SPRING1: variants seen among roughly 807,000 people sequenced by gnomAD.
SPRING1 encodes SREBF pathway regulator in golgi 1.
SPRING1 carries 14 observed loss-of-function variants against 24.7 expected under a neutral mutation model. The observed-to-expected ratio is 0.57, with a 90% CI of 0.37 to 0.88. SPRING1 has a LOEUF of 0.88. Among genes scored for constraint, SPRING1 ranks in the 40% least tolerant of loss-of-function variants. SPRING1 has a pLI of 0.00. For missense variants in SPRING1, 255 were observed against 268.4 expected (o/e 0.95, Z 0.35); for synonymous variants, 93 against 106.1 (o/e 0.88, Z 0.76).
rs1869824516 is a variant in SPRING1, at chr12:116,710,494, T to C, written c.*7316A>G. On this transcript the variant is annotated 3_prime_UTR_variant, in exon 5 of 5. Transcript: ENST00000261318. The stretch of plus-strand genomic sequence containing the variant: ...CACACCTAAATAATTGAGCACTGCA[T>C]TAAGGCTCAGAAACGTAGTACCGTT... 6.6e-6 allele frequency: 1 copy of C among 152,240 alleles called. No individual in the cohort carries two copies. The highest frequency in any genetic ancestry group is 2.4e-5 in the African/African-American group (1 of 41,470). The allele number at this position is 152,240 out of a possible 1,614,324, so 9.4% of individuals were successfully genotyped here.
In SPRING1 at chr12:116,737,777, G is replaced by C; in HGVS notation, c.111+13C>G. ...AAGAAGGGAAGGGGAGGAGGGGAAGGGCGGCCACTGACCTGCTTGAAGGTG... is the reference window on the plus strand; with the variant it reads ...AAGAAGGGAAGGGGAGGAGGGGAAGCGCGGCCACTGACCTGCTTGAAGGTG... On this transcript the variant is annotated intron_variant, in intron 1 of 4. Transcript: ENST00000261318. The C allele has an allele frequency of 6.6e-7, 1 of 1,515,152 alleles. No individual in the cohort carries two copies. Among genetic ancestry groups the C allele is most frequent in the Non-Finnish European group, 8.9e-7 (1 of 1,117,628 alleles). The allele number at this position is 1,515,152 out of a possible 1,614,324, so 93.9% of individuals were successfully genotyped here.
At chr12:116,733,849 G>A (rs188990061) in intron 1 of SPRING1, among the ~76,000 whole-genome samples, 2 of 152,202 alleles carry the variant, frequency 1.3e-5, no homozygotes, top group East Asian at 1.9e-4. Flanking sequence ...CTCCACTCAC[G>A]GTAAGTGTTC....
chr12:116,736,626 T>C (rs1328392656), intron 1 of SPRING1, among the ~76,000 whole-genome samples: 1 of 152,308 alleles, frequency 6.6e-6, no homozygotes, highest in East Asian at 1.9e-4. Context: ...GAGCTTTTTA[T>C]AACCATGTCA....
At chr12:116,727,091 TTTCCTG>T (rs1157241520) in intron 1 of SPRING1, among the ~76,000 whole-genome samples, 1 of 152,256 alleles carries the variant, frequency 6.6e-6, no homozygotes, top group Non-Finnish European at 1.5e-5. Context: ...GCTTTCTACC[TTTCCTG>T]AACTGTTTCA....
At position 116,710,422 on chromosome 12, in the gene SPRING1, C is replaced by T. The variant is rs1869822728; in HGVS notation, c.*7388G>A. The T allele has an allele frequency of 6.6e-6, 1 of 152,210 alleles. No homozygotes were observed. The highest frequency in any genetic ancestry group is 6.5e-5 in the Admixed American group (1 of 15,274). The allele number at this position is 152,210 out of a possible 1,614,324, so 9.4% of individuals were successfully genotyped here. ...CTGAGCTGAGCAATGCCTGTAGAAGCCCTGCTTAGTAGGAGTTCCAAGATG... is the reference window on the plus strand; with the variant it reads ...CTGAGCTGAGCAATGCCTGTAGAAGTCCTGCTTAGTAGGAGTTCCAAGATG... On this transcript the variant is annotated 3_prime_UTR_variant, in exon 5 of 5. Transcript: ENST00000261318.
chr12:116,729,438 C>T (rs76778521), intron 1 of SPRING1, among the ~76,000 whole-genome samples: 18,026 of 152,252 alleles, frequency 0.12, 1,389 homozygotes, highest in African/African-American at 0.22. Context: ...AAGTTTAACA[C>T]AGATTTACCA....
intron 1 of SPRING1, 112 bp downstream of exon 1, chr12:116,737,678 C>G: frequency 8.2e-7 from 1 of 1,216,856 alleles, no homozygotes; most frequent in South Asian, 1.9e-5. Context: ...GGTAGGAAGA[C>G]AGGGAGGAAG....
rs756002577 is a variant in SPRING1, at chr12:116,720,279, G to C, written c.420+17C>G. The C allele has an allele frequency of 1.9e-6, 3 of 1,587,868 alleles. No homozygotes were observed. The highest frequency in any genetic ancestry group is 2.7e-5 in the African/African-American group (2 of 73,256). ...AAAGAAAAAAGGAGCCGCAGAACCA[G>C]GATCAACTCCCCATACCTTGTTGGG... On this transcript the variant is annotated intron_variant, in intron 3 of 4. Coordinates refer to ENST00000261318, the MANE Select transcript of SPRING1 (RefSeq NM_024738.4). The surrounding 1 kb of genome is among the most constrained non-coding windows in gnomAD (Gnocchi z 4.0).
At chr12:116,719,984 G>C in intron 3 of SPRING1, 108 bp from the exon 4 acceptor site, 2 of 1,002,012 alleles carry the variant, frequency 2.0e-6, no homozygotes, top group Non-Finnish European at 3.1e-6. Context: ...AAGGGGGGAA[G>C]AGGAGGAGAA....
intron 1 of SPRING1, among the ~76,000 whole-genome samples, chr12:116,726,230 T>C (rs1304588721): frequency 6.6e-6 from 1 of 152,234 alleles, no homozygotes; most frequent in African/African-American, 2.4e-5. Context: ...CAGGTTTTTG[T>C]TATCATAGAT....
rs1555254866 is a variant in SPRING1, at chr12:116,711,025, A to ACCG, written c.*6784_*6785insCGG. ...TTTTGTTACACACACACACACACAC[A>ACCG]CACGCACACACAGAGCCAATGTATG... is the stretch of plus-strand genomic sequence containing the variant. On this transcript the variant is annotated 3_prime_UTR_variant, in exon 5 of 5. Transcript: ENST00000261318. The ACCG allele has an allele frequency of 2.0e-5, 3 of 150,814 alleles. No individual in the cohort carries two copies. The highest frequency in any genetic ancestry group is 7.3e-5 in the African/African-American group (3 of 40,888). 9.3% of individuals were successfully genotyped at this position (150,814 alleles called of 1,614,324 possible).
intron 1 of SPRING1, among the ~76,000 whole-genome samples, chr12:116,730,329 G>A (rs1041861099): frequency 3.3e-5 from 5 of 151,936 alleles, no homozygotes; most frequent in Non-Finnish European, 7.4e-5. Flanking sequence ...TCAGACTCCC[G>A]AGTAGCTGGG....
chr12:116,731,734 A>G (rs1870985202), intron 1 of SPRING1, among the ~76,000 whole-genome samples: 2 of 152,184 alleles, frequency 1.3e-5, no homozygotes, highest in Non-Finnish European at 2.9e-5. Context: ...TGGATGACAG[A>G]GCAAGACCCT....
At chr12:116,737,243 T>C (rs1211935038) in intron 1 of SPRING1, among the ~76,000 whole-genome samples, 1 of 151,502 alleles carries the variant, frequency 6.6e-6, no homozygotes, top group African/African-American at 2.4e-5. Context: ...AATGCGCACC[T>C]CTCCCCACCC....
intron 1 of SPRING1, among the ~76,000 whole-genome samples, chr12:116,726,201 T>C (rs1451755261): frequency 6.6e-6 from 1 of 152,232 alleles, no homozygotes; most frequent in Non-Finnish European, 1.5e-5. Flanking sequence ...ACACATCCTC[T>C]ATAGATCAAT....
chr12:116,730,981 G>A (rs1289441461), intron 1 of SPRING1, among the ~76,000 whole-genome samples: 6 of 152,192 alleles, frequency 3.9e-5, no homozygotes, highest in Non-Finnish European at 8.8e-5. Flanking sequence ...AGAAAAAATA[G>A]TGTTCCATGA....
In SPRING1 at chr12:116,720,845, G is replaced by C. The variant is rs149352427; in HGVS notation, c.269-398C>G. Among the ~76,000 whole-genome samples, 2 of 152,206 alleles carry C rather than the reference G, an allele frequency of 1.3e-5. No individual in the cohort carries two copies. The highest frequency in any genetic ancestry group is 4.8e-5 in the African/African-American group (2 of 41,544). On this transcript the variant is annotated intron_variant, in intron 2 of 4. Transcript: ENST00000261318. The surrounding 1 kb of genome is among the most constrained non-coding windows in gnomAD (Gnocchi z 4.0). ...AAAAAGTTTAAAACAGAAAAAAACC[G>C]AGGCACTGATTCACAAAAGTGAGGT...
At chr12:116,724,185 G>A (rs1388516048) in intron 1 of SPRING1, among the ~76,000 whole-genome samples, 1 of 152,116 alleles carries the variant, frequency 6.6e-6, no homozygotes, top group African/African-American at 2.4e-5. Flanking sequence ...TGCTTTTTAA[G>A]CAAAAGGGAC....
At position 116,716,305 on chromosome 12, in the gene SPRING1, A is replaced by G. The variant is rs866503071; in HGVS notation, c.*1505T>C. On this transcript the variant is annotated 3_prime_UTR_variant, in exon 5 of 5. Coordinates refer to ENST00000261318, the MANE Select transcript of SPRING1 (RefSeq NM_024738.4). Reference sequence around the variant, plus strand: ...GGAAGCTAAGGGAAATCACCACTACATATTGCAGGAATGTATTAGAAGGCA... The same window carrying G: ...GGAAGCTAAGGGAAATCACCACTACGTATTGCAGGAATGTATTAGAAGGCA... 6.6e-6 allele frequency: 1 copy of G among 152,230 alleles called. No individual in the cohort carries two copies. The highest frequency in any genetic ancestry group is 2.1e-4 in the South Asian group (1 of 4,834). The allele number at this position is 152,230 out of a possible 1,614,324, so 9.4% of individuals were successfully genotyped here.
Sources: gnomAD v4.1 joint callset for allele counts (sites outside exome capture counted in the v4.1 genomes callset) on GRCh38, gnomAD v4.1.1 for gene constraint, Gnocchi (gnomAD v3.1) non-coding constraint, MANE v1.5 for transcripts, NCBI Gene and HGNC (gene_info 2026-07-23, HGNC 2026-07-21) for gene names.